Variants in FAF1 observed in about 807,000 individuals in gnomAD.
The protein encoded by FAF1 is Fas associated factor 1.
In FAF1, 25 loss-of-function variants were observed where a neutral mutation model predicts 92.5. The ratio of observed to expected loss-of-function variants is 0.27; its 90% CI spans 0.20 to 0.38. The LOEUF is 0.38. FAF1 is among the 10% of genes least tolerant of loss of function. FAF1 has a pLI of 1.00. For missense variants in FAF1, 636 were observed against 793.3 expected (o/e 0.80, Z 2.38); for synonymous variants, 234 against 273.2 (o/e 0.86, Z 1.42).
At chr1:50,891,168 T>C (rs761302547) in intron 1 of FAF1, among the ~76,000 whole-genome samples, 6 of 152,254 alleles carry the variant, frequency 3.9e-5, no homozygotes, top group Middle Eastern at 3.2e-3. Flanking sequence ...TTGAAGCTTG[T>C]ACATGTGTCA....
At chr1:50,723,348 G>A (rs540280424) in intron 6 of FAF1, among the ~76,000 whole-genome samples, 177 of 151,670 alleles carry the variant, frequency 1.2e-3, no homozygotes, top group Non-Finnish European at 1.8e-3. Flanking sequence ...TGCAGTGAGC[G>A]GAGACTGTGC....
chr1:50,761,296 C>A (rs1186514316), intron 4 of FAF1, among the ~76,000 whole-genome samples: 1 of 152,146 alleles, frequency 6.6e-6, no homozygotes, highest in Non-Finnish European at 1.5e-5. Context: ...TGAAACTATT[C>A]CAATCAATAG....
intron 1 of FAF1, among the ~76,000 whole-genome samples, chr1:50,941,507 G>A (rs1347076410): frequency 1.3e-5 from 2 of 152,056 alleles, no homozygotes; most frequent in African/African-American, 2.4e-5. Flanking sequence ...ATGAGCCACC[G>A]TGCCAGTCCT....
At chr1:50,681,647 A>G (rs1391042264) in intron 7 of FAF1, among the ~76,000 whole-genome samples, 1 of 151,296 alleles carries the variant, frequency 6.6e-6, no homozygotes, top group Non-Finnish European at 1.5e-5. Context: ...AGCTGGGATT[A>G]CAGGCATGTG....
chr1:50,912,181 G>A (rs558721626), intron 1 of FAF1, among the ~76,000 whole-genome samples: 24 of 152,260 alleles, frequency 1.6e-4, no homozygotes, highest in South Asian at 6.2e-4. Context: ...TTGAGCTGCC[G>A]CTAGACAAGT....
chr1:50,524,045 C>T (rs1647653677), intron 15 of FAF1, among the ~76,000 whole-genome samples: 1 of 152,014 alleles, frequency 6.6e-6, no homozygotes, highest in African/African-American at 2.4e-5. Flanking sequence ...TGCAACCTCG[C>T]TAGCATCTAT....
chr1:50,506,104 G>A (rs1016580913), intron 15 of FAF1, among the ~76,000 whole-genome samples: 3 of 152,148 alleles, frequency 2.0e-5, no homozygotes, highest in Non-Finnish European at 4.4e-5. Context: ...GCATATGAGG[G>A]CAAAGGAATA....
At chr1:50,645,760 G>C (rs1375643300) in intron 8 of FAF1, among the ~76,000 whole-genome samples, 2 of 152,042 alleles carry the variant, frequency 1.3e-5, no homozygotes, top group Non-Finnish European at 2.9e-5. Context: ...CCCAGGAGGC[G>C]GAGGTTGCGG....
At chr1:50,820,802 A>G (rs763803484) in intron 2 of FAF1, among the ~76,000 whole-genome samples, 40 of 151,818 alleles carry the variant, frequency 2.6e-4, no homozygotes, top group Non-Finnish European at 2.4e-4. Context: ...AGCTTCTTCC[A>G]TTTTGTATTT....
At chr1:50,717,350 AAGAC>A (rs1393003069) in intron 6 of FAF1, among the ~76,000 whole-genome samples, 2 of 152,184 alleles carry the variant, frequency 1.3e-5, no homozygotes, top group African/African-American at 4.8e-5. Context: ...TAAGAAGAGA[AAGAC>A]AGATAAGAGC....
intron 17 of FAF1, among the ~76,000 whole-genome samples, chr1:50,477,583 G>C (rs1572770565): frequency 1.3e-5 from 2 of 152,116 alleles, no homozygotes; most frequent in South Asian, 4.2e-4. Flanking sequence ...AGTTTCAGCT[G>C]AGTATTTCCA....
chr1:50,824,846 A>G (rs1644080520), intron 2 of FAF1, among the ~76,000 whole-genome samples: 1 of 152,146 alleles, frequency 6.6e-6, no homozygotes, highest in South Asian at 2.1e-4. Context: ...TAAGCCAGGT[A>G]CAAGGAGACA....
At chr1:50,784,564 A>G (rs1661296214) in intron 4 of FAF1, among the ~76,000 whole-genome samples, 1 of 152,356 alleles carries the variant, frequency 6.6e-6, no homozygotes, top group Non-Finnish European at 1.5e-5. Context: ...AAAGCTTCCC[A>G]TGGTCATGGA....
chr1:50,497,831 T>A (rs1209044350), intron 15 of FAF1, among the ~76,000 whole-genome samples: 3 of 151,898 alleles, frequency 2.0e-5, no homozygotes, highest in Admixed American at 1.3e-4. Flanking sequence ...TACAGGTGTG[T>A]GCCACCGCGC....
intron 15 of FAF1, among the ~76,000 whole-genome samples, chr1:50,504,888 A>G (rs1647040835): frequency 6.6e-6 from 1 of 152,190 alleles, no homozygotes; most frequent in African/African-American, 2.4e-5. Context: ...GGAGCTTGTC[A>G]CAAAAGGAGA....
chr1:50,483,504 T>C (rs1191147450), intron 17 of FAF1, among the ~76,000 whole-genome samples: 1 of 152,236 alleles, frequency 6.6e-6, no homozygotes, highest in South Asian at 2.1e-4. Flanking sequence ...TATCAATCTC[T>C]ATAGAAAATC....
intron 4 of FAF1, among the ~76,000 whole-genome samples, chr1:50,764,434 G>A (rs1043620644): frequency 6.6e-6 from 1 of 152,166 alleles, no homozygotes; most frequent in African/African-American, 2.4e-5. Flanking sequence ...TCCCTATGTA[G>A]CAATCTTTCT....
intron 4 of FAF1, among the ~76,000 whole-genome samples, chr1:50,748,917 C>T (rs570903906): frequency 1.6e-4 from 25 of 152,274 alleles, no homozygotes; most frequent in African/African-American, 6.0e-4. Context: ...CCTAAGTAAG[C>T]AATGCTACAA....
intron 8 of FAF1, among the ~76,000 whole-genome samples, chr1:50,607,281 A>G (rs1369022053): frequency 6.6e-6 from 1 of 152,142 alleles, no homozygotes; most frequent in Non-Finnish European, 1.5e-5. Flanking sequence ...CTATATATAG[A>G]GCAAAGGACC....
Sources: allele counts gnomAD v4.1 joint callset (sites outside exome capture counted in the v4.1 genomes callset), GRCh38; gene constraint gnomAD v4.1.1; transcripts MANE v1.5; gene names NCBI Gene and HGNC (gene_info 2026-07-23, HGNC 2026-07-21).